The following FMN2 variants were observed in gnomAD, a reference collection of about 807,000 sequenced individuals.
The protein encoded by FMN2 is formin 2.
FMN2 carries 51 observed loss-of-function variants against 142.3 expected under a neutral mutation model. The ratio of observed to expected loss-of-function variants is 0.36; its 90% CI spans 0.29 to 0.45. The LOEUF (loss-of-function observed/expected upper bound fraction) is 0.45. FMN2 is among the 20% of genes least tolerant of loss of function. FMN2 has a pLI of 1.00. For synonymous variants in FMN2, 882 were observed against 869.8 expected, an observed-to-expected ratio of 1.01 and a Z score of -0.25; for missense variants, 1,936 against 2,122.8, an observed-to-expected ratio of 0.91 and a Z score of 1.73.
intron 15 of FMN2, among the ~76,000 whole-genome samples, chr1:240,400,450 C>T (rs1449951750): frequency 1.3e-5 from 2 of 152,172 alleles, no homozygotes; most frequent in Non-Finnish European, 2.9e-5. Flanking sequence ...CTAATAGCCA[C>T]AAAATAAGCA....
In FMN2 at chr1:240,142,898, C is replaced by A. The variant is rs541090697; in HGVS notation, c.1782+19553C>A. 1.9e-6 allele frequency: 3 copies of A among 1,605,392 alleles called. No individual in the cohort carries two copies. In the African/African-American group the frequency reaches 4.0e-5, roughly 21 times the overall value. On this transcript the variant is annotated intron_variant, in intron 2 of 17. Transcript: ENST00000319653. ...GCAATGGCCTCAGCTCCTCATCAAA[C>A]GTAACCAGCATTCGGGGCCGCATGG...
rs1335687494 is a variant in FMN2 at position 240,145,668 on chromosome 1, C to G, written c.1782+22323C>G. ...AGGACCACAGGCACGTACCACCACA[C>G]TCTGCTAATTTTTATATTTTTTGTA... On this transcript the variant is annotated intron_variant, in intron 2 of 17. Coordinates refer to ENST00000319653, the MANE Select transcript of FMN2 (RefSeq NM_020066.5). Among the ~76,000 whole-genome samples, 5 of 150,278 alleles carry G rather than the reference C, an allele frequency of 3.3e-5. No individual in the cohort carries two copies. The South Asian group carries it at 6.3e-4, about 19-fold the overall frequency.
chr1:240,408,780 GA>G (rs1271817317), intron 15 of FMN2, among the ~76,000 whole-genome samples: 3 of 151,878 alleles, frequency 2.0e-5, no homozygotes, highest in Non-Finnish European at 4.4e-5. Flanking sequence ...TAGTTTACAC[GA>G]AAAAAACTTA....
intron 1 of FMN2, among the ~76,000 whole-genome samples, chr1:240,108,444 T>C (rs1178505126): frequency 2.6e-5 from 4 of 152,178 alleles, no homozygotes. Context: ...ATATGTGATA[T>C]CTCTGTATTC....
chr1:240,245,395 A>G lies in FMN2; in HGVS notation c.4066-12550A>G, dbSNP rs574407557. 155 of 415,026 alleles carry G rather than the reference A, an allele frequency of 3.7e-4. 1 individual carries two copies. Among genetic ancestry groups the G allele is most frequent in the African/African-American group, 2.8e-3 (134 of 48,694 alleles). 25.7% of individuals were successfully genotyped at this position (415,026 alleles called of 1,614,324 possible). A position where few individuals can be genotyped will look rare whatever the true frequency, so the allele number is the denominator to read the frequency against. On this transcript the variant is annotated intron_variant, in intron 6 of 17. Coordinates refer to ENST00000319653, the MANE Select transcript of FMN2 (RefSeq NM_020066.5). ...TGAGAACTTGCAGCAGGGTGGTGGTAGTGAAAGAGAAGAATGAAAGACAAG... is the reference window on the plus strand; with the variant it reads ...TGAGAACTTGCAGCAGGGTGGTGGTGGTGAAAGAGAAGAATGAAAGACAAG...
chr1:240,136,862 G>T (rs1662962253), intron 2 of FMN2, among the ~76,000 whole-genome samples: 1 of 152,058 alleles, frequency 6.6e-6, no homozygotes, highest in Non-Finnish European at 1.5e-5. Context: ...CACAAGGTCA[G>T]GAGTTTGAGA....
chr1:240,175,505 T>C (rs1366175262), intron 2 of FMN2, among the ~76,000 whole-genome samples: 2 of 152,130 alleles, frequency 1.3e-5, no homozygotes, highest in Non-Finnish European at 2.9e-5. Flanking sequence ...TATCTTGTTG[T>C]TGTTGTTTTG....
At chr1:240,291,675 C>G (rs1669798465) in intron 7 of FMN2, among the ~76,000 whole-genome samples, 1 of 152,128 alleles carries the variant, frequency 6.6e-6, no homozygotes, top group Admixed American at 6.5e-5. Context: ...TCTTGTTTCA[C>G]TCTAATGGTT....
chr1:240,445,064 C>T (rs1675758212), intron 16 of FMN2, among the ~76,000 whole-genome samples: 1 of 152,208 alleles, frequency 6.6e-6, no homozygotes, highest in Non-Finnish European at 1.5e-5. Flanking sequence ...TCAGTGCCAA[C>T]TTTCTGTAAC....
At chr1:240,312,339 C>T (rs999303640) in intron 8 of FMN2, among the ~76,000 whole-genome samples, 8 of 152,166 alleles carry the variant, frequency 5.3e-5, no homozygotes, top group African/African-American at 1.9e-4. Context: ...CTTCAGTTGT[C>T]ATTCTTTTCT....
At chr1:240,409,435 T>C (rs1674323857) in intron 15 of FMN2, among the ~76,000 whole-genome samples, 1 of 152,168 alleles carries the variant, frequency 6.6e-6, no homozygotes, top group African/African-American at 2.4e-5. Flanking sequence ...TGAGCCACTG[T>C]GCCTGGTATC....
At chr1:240,099,633 C>T (rs1008777573) in intron 1 of FMN2, among the ~76,000 whole-genome samples, 3 of 152,074 alleles carry the variant, frequency 2.0e-5, no homozygotes, top group Admixed American at 2.0e-4. Context: ...TTCATTTTCC[C>T]GACTTTGTGC....
chr1:240,222,031 G>C (rs375776869), intron 6 of FMN2, among the ~76,000 whole-genome samples: 1 of 60,960 alleles, frequency 1.6e-5, no homozygotes, highest in East Asian at 3.3e-4. Context: ...TTTTTTTTTT[G>C]TATTTTTAGT....
intron 6 of FMN2, among the ~76,000 whole-genome samples, chr1:240,228,347 AAAAG>A (rs1350935017): frequency 2.5e-5 from 2 of 78,860 alleles, no homozygotes; most frequent in African/African-American, 7.5e-5. Context: ...AAGAAAAAGA[AAAAG>A]AAAGAAAAAA....
chr1:240,203,676 G>C (rs1020947826), intron 4 of FMN2, among the ~76,000 whole-genome samples: 1 of 152,116 alleles, frequency 6.6e-6, no homozygotes, highest in Non-Finnish European at 1.5e-5. Context: ...TGGGGAGGGA[G>C]AGCATCAGGA....
intron 15 of FMN2, among the ~76,000 whole-genome samples, chr1:240,408,927 G>T (rs1674302423): frequency 6.6e-6 from 1 of 152,094 alleles, no homozygotes. Flanking sequence ...TCTAATTTCT[G>T]TTGTTGTGAG....
intron 8 of FMN2, among the ~76,000 whole-genome samples, chr1:240,296,186 T>TAAAAAAAAA: frequency 6.8e-6 from 1 of 148,026 alleles, no homozygotes; most frequent in East Asian, 2.0e-4. Flanking sequence ...GCTTTTGTTA[T>TAAAAAAAAA]GTAGTACTTT....
chr1:240,309,880 A>G (rs1185960422), intron 8 of FMN2, among the ~76,000 whole-genome samples: 4 of 152,152 alleles, frequency 2.6e-5, no homozygotes, highest in African/African-American at 9.7e-5. Flanking sequence ...ATCTGGCATG[A>G]CAGTCACGTG....
chr1:240,203,903 C>G (rs558553923), intron 4 of FMN2, among the ~76,000 whole-genome samples: 1 of 152,238 alleles, frequency 6.6e-6, no homozygotes, highest in African/African-American at 2.4e-5. Context: ...CCACAAAATA[C>G]ATAACACAAA....
Sources: allele counts gnomAD v4.1 joint callset (sites outside exome capture counted in the v4.1 genomes callset), GRCh38; gene constraint gnomAD v4.1.1; transcripts MANE v1.5; gene names NCBI Gene and HGNC (gene_info 2026-07-23, HGNC 2026-07-21).